Variants in CNTNAP2 observed in about 807,000 individuals in gnomAD.
The protein encoded by CNTNAP2 is contactin associated protein 2, also known as contactin-associated protein-like 2.
Under a neutral mutation model 155.2 loss-of-function variants are expected in CNTNAP2, and 98 were observed. The observed-to-expected ratio is 0.63, with a 90% confidence interval of 0.54 to 0.75. The LOEUF is 0.75. CNTNAP2 is among the 30% of genes least tolerant of loss of function. The pLI is 0.00. For missense variants in CNTNAP2, 1,727 were observed against 1,688.1 expected (o/e 1.02, Z -0.40); for synonymous variants, 651 against 631.2 (o/e 1.03, Z -0.47).
At chr7:148,397,462 T>C (rs1307384823) in intron 22 of CNTNAP2, among the ~76,000 whole-genome samples, 1 of 152,252 alleles carries the variant, frequency 6.6e-6, no homozygotes, top group African/African-American at 2.4e-5. Context: ...GTAAAACATA[T>C]AATTCCAGTT....
At chr7:146,936,450 A>G (rs1796915890) in intron 3 of CNTNAP2, among the ~76,000 whole-genome samples, 2 of 152,202 alleles carry the variant, frequency 1.3e-5, no homozygotes, top group African/African-American at 4.8e-5. Flanking sequence ...AGTGGGTTTC[A>G]AGACCAAATA....
At chr7:146,415,034 C>T (rs1795917939) in intron 1 of CNTNAP2, among the ~76,000 whole-genome samples, 1 of 151,646 alleles carries the variant, frequency 6.6e-6, no homozygotes, top group African/African-American at 2.4e-5. Context: ...CAGCGAAGGG[C>T]AGAATGCCAT....
chr7:147,399,087 AG>A (rs1023085033), intron 10 of CNTNAP2, among the ~76,000 whole-genome samples: 9 of 152,198 alleles, frequency 5.9e-5, no homozygotes, highest in Admixed American at 4.6e-4. Flanking sequence ...CAGAGAGCAC[AG>A]GCAACGAAAG....
At chr7:148,155,284 C>T (rs1004094616) in intron 17 of CNTNAP2, among the ~76,000 whole-genome samples, 1 of 152,208 alleles carries the variant, frequency 6.6e-6, no homozygotes, top group Non-Finnish European at 1.5e-5. Flanking sequence ...AAAAATTGCA[C>T]TGGGCAAAGT....
At chr7:147,495,225 C>G (rs193296583) in intron 11 of CNTNAP2, among the ~76,000 whole-genome samples, 7 of 152,210 alleles carry the variant, frequency 4.6e-5, no homozygotes, top group African/African-American at 1.7e-4. Flanking sequence ...CAAGCAGGAA[C>G]GGAACTCTGA....
intron 1 of CNTNAP2, chr7:146,311,607 C>CAAAAAAAAAAAA (rs71175646): frequency 7.2e-4 from 28 of 38,732 alleles, no homozygotes; most frequent in Non-Finnish European, 1.1e-3. Flanking sequence ...CTTGTCTTTA[C>CAAAAAAAAAAAA]AAAAAAAAAA....
At position 148,331,799 on chromosome 7, in the gene CNTNAP2, A is replaced by G. The variant is rs1243473955; in HGVS notation, c.3476-51850A>G. Among the ~76,000 whole-genome samples the G allele has an allele frequency of 1.5e-3, 62 of 41,208 alleles. 4 individuals carry two copies. The highest frequency in any genetic ancestry group is 3.9e-3 in the Admixed American group (12 of 3,104). 27.0% of individuals were successfully genotyped at this position (41,208 alleles called of 152,430 possible). ...GAATGGACAGATGGAGTGGATGGAT[A>G]GAATGGCCTCCTCTTTGTCTAAAAC... On this transcript the variant is annotated intron_variant, in intron 21 of 23. Coordinates refer to ENST00000361727, the MANE Select transcript of CNTNAP2 (RefSeq NM_014141.6).
chr7:147,026,034 C>T (rs779330182), intron 3 of CNTNAP2, among the ~76,000 whole-genome samples: 11 of 151,840 alleles, frequency 7.2e-5, no homozygotes, highest in Non-Finnish European at 1.5e-4. Flanking sequence ...TAATTTTTGC[C>T]TTTTTAGTAG....
chr7:148,233,349 T>G (rs183573466), intron 20 of CNTNAP2, among the ~76,000 whole-genome samples: 1 of 151,168 alleles, frequency 6.6e-6, no homozygotes. Context: ...GGGAGAATAT[T>G]AAATGAAATA....
At chr7:146,236,835 A>C (rs1799482450) in intron 1 of CNTNAP2, among the ~76,000 whole-genome samples, 1 of 151,736 alleles carries the variant, frequency 6.6e-6, no homozygotes, top group Non-Finnish European at 1.5e-5. Flanking sequence ...AGTCTCCTGG[A>C]AATTCTACTG....
intron 8 of CNTNAP2, among the ~76,000 whole-genome samples, chr7:147,281,055 C>T (rs1395470202): frequency 6.6e-6 from 1 of 151,834 alleles, no homozygotes; most frequent in African/African-American, 2.4e-5. Context: ...TCGATTTAAT[C>T]ATCTGTTCAT....
intron 1 of CNTNAP2, among the ~76,000 whole-genome samples, chr7:146,176,846 T>C (rs1242355828): frequency 6.6e-6 from 1 of 152,262 alleles, no homozygotes; most frequent in Admixed American, 6.5e-5. Context: ...TTCTTACAAC[T>C]TACTATTTAA....
At chr7:147,703,859 C>A (rs983522585) in intron 13 of CNTNAP2, among the ~76,000 whole-genome samples, 2 of 152,274 alleles carry the variant, frequency 1.3e-5, no homozygotes, top group South Asian at 2.1e-4. Flanking sequence ...CTCGCTCCCC[C>A]ATGCACACAC....
At chr7:147,945,689 T>TTATATA (rs10557677) in intron 14 of CNTNAP2, among the ~76,000 whole-genome samples, 3,456 of 148,226 alleles carry the variant, frequency 0.023, 57 homozygotes, top group Non-Finnish European at 0.034. Flanking sequence ...ACAAAAGCCT[T>TTATATA]TATATATATA....
At chr7:146,473,178 A>G (rs989737863) in intron 1 of CNTNAP2, among the ~76,000 whole-genome samples, 8 of 151,968 alleles carry the variant, frequency 5.3e-5, no homozygotes, top group African/African-American at 1.9e-4. Flanking sequence ...TTTCTCTGGC[A>G]GGGTCAGGGA....
At chr7:148,005,280 T>A (rs997326367) in intron 15 of CNTNAP2, among the ~76,000 whole-genome samples, 10 of 152,080 alleles carry the variant, frequency 6.6e-5, no homozygotes, top group Non-Finnish European at 1.3e-4. Context: ...TATAAGGGCA[T>A]TAATCCCACT....
intron 18 of CNTNAP2, among the ~76,000 whole-genome samples, chr7:148,214,884 T>G (rs1418557325): frequency 6.6e-6 from 1 of 152,200 alleles, no homozygotes; most frequent in Non-Finnish European, 1.5e-5. Flanking sequence ...GAATTCTTAA[T>G]TGCATAAGAC....
At chr7:147,344,416 A>T (rs559473878) in intron 9 of CNTNAP2, among the ~76,000 whole-genome samples, 3 of 142,758 alleles carry the variant, frequency 2.1e-5, no homozygotes, top group Non-Finnish European at 4.7e-5. Context: ...GGCAGAGGTA[A>T]CACTAGGAAA....
At chr7:147,297,256 C>T (rs745993025) in intron 8 of CNTNAP2, among the ~76,000 whole-genome samples, 1 of 152,090 alleles carries the variant, frequency 6.6e-6, no homozygotes, top group Non-Finnish European at 1.5e-5. Flanking sequence ...TGGTCATGAT[C>T]ACTCCCTCAG....
Sources: gnomAD v4.1 joint callset for allele counts (sites outside exome capture counted in the v4.1 genomes callset) on GRCh38, gnomAD v4.1.1 for gene constraint, MANE v1.5 for transcripts, NCBI Gene and HGNC (gene_info 2026-07-23, HGNC 2026-07-21) for gene names.